The following LRP4 variants were observed in gnomAD, a reference collection of about 807,000 sequenced individuals.
The protein encoded by LRP4 is low-density lipoprotein receptor-related protein 4.
A neutral mutation model predicts 220.3 loss-of-function variants in LRP4; 95 were observed. That is an observed-to-expected ratio of 0.43 (90% confidence interval 0.37 to 0.51). The LOEUF (loss-of-function observed/expected upper bound fraction) is 0.51, where lower values mean the gene tolerates loss of function less well. LRP4 is among the 20% of genes least tolerant of loss of function. The probability of loss-of-function intolerance (pLI) is 0.00; values close to 1 mark genes in which losing one functional copy is unlikely to be tolerated. For synonymous variants in LRP4, 903 were observed against 954.6 expected (o/e 0.95, Z 1.00); for missense variants, 1,925 against 2,567.0 (o/e 0.75, Z 5.40).
At chr11:46,913,905 GAA>G (rs1941908436) in intron 1 of LRP4, among the ~76,000 whole-genome samples, 2 of 152,114 alleles carry the variant, frequency 1.3e-5, no homozygotes, top group African/African-American at 2.4e-5. Flanking sequence ...TTCAAGGGGA[GAA>G]AGAAGGGGCA....
intron 1 of LRP4, among the ~76,000 whole-genome samples, chr11:46,907,172 A>G (rs1941775392): frequency 6.6e-6 from 1 of 152,196 alleles, no homozygotes; most frequent in Non-Finnish European, 1.5e-5. Flanking sequence ...GAATTAGAAC[A>G]CTTCACTATG....
Position 46,881,745 on chromosome 11 carries a change from A to G in LRP4, c.2771T>C (p.Met924Thr), listed in dbSNP as rs1941165808. 1 of 1,613,506 alleles carries G rather than the reference A, an allele frequency of 6.2e-7. No homozygotes were observed. The highest frequency in any genetic ancestry group is 8.5e-7 in the Non-Finnish European group (1 of 1,180,006). Residue 924 changes from methionine to threonine, a missense_variant, in exon 20 of 38, where the codon ATG (methionine) becomes ACG (threonine). Physicochemically the swap from Met to Thr is moderately conservative, Grantham distance 81 (BLOSUM62 -1). Coordinates refer to ENST00000378623, the MANE Select transcript of LRP4 (RefSeq NM_002334.4). Reference sequence around the variant, plus strand: ...CAGTCCAGCAAATTCAATTGTCTTCATGCCGGCGTCAGCCCAGTATAGACG... The same window carrying G: ...CAGTCCAGCAAATTCAATTGTCTTCGTGCCGGCGTCAGCCCAGTATAGACG... Reference protein sequence around the residue: ...SQRLYWADAGMKTIEFAGLDG... With the variant: ...SQRLYWADAGTKTIEFAGLDG...
intron 37 of LRP4, among the ~76,000 whole-genome samples, chr11:46,860,757 C>A (rs1940523952): frequency 6.6e-6 from 1 of 152,158 alleles, no homozygotes; most frequent in Non-Finnish European, 1.5e-5. Context: ...CACAAGCAAA[C>A]ACACAGATGT....
In LRP4 at chr11:46,896,412, G is replaced by A. The variant is rs1941532556; in HGVS notation, c.923-77C>T. Reference sequence around the variant, plus strand: ...GAGATGGGAGCCTGTCATTTTCTAGGGTAAGCTGGAGACAGATGAGACTCA... The same window carrying A: ...GAGATGGGAGCCTGTCATTTTCTAGAGTAAGCTGGAGACAGATGAGACTCA... On this transcript the variant is annotated intron_variant, in intron 8 of 37. Transcript: ENST00000378623. The A allele has an allele frequency of 1.9e-6, 3 of 1,579,738 alleles. No homozygotes were observed. In the East Asian group the frequency reaches 6.7e-5, roughly 35 times the overall value.
At chr11:46,864,403 T>G in intron 36 of LRP4, 45 bp downstream of exon 36, 1 of 1,360,790 alleles carries the variant, frequency 7.3e-7, no homozygotes, top group Non-Finnish European at 1.1e-6. Flanking sequence ...GACATGCTCA[T>G]GAAGACCAAT....
In LRP4 at chr11:46,864,554, C is replaced by G; in HGVS notation, c.5156-19G>C. ...CCTTCCCCTAGGAAGAATAGAGAAA[C>G]ACTAGGCAGGGGCCACCGACAACTT... On this transcript the variant is annotated intron_variant, in intron 35 of 37. Coordinates refer to ENST00000378623, the MANE Select transcript of LRP4 (RefSeq NM_002334.4). 3.2e-6 allele frequency: 5 copies of G among 1,550,352 alleles called. No homozygotes were observed. The highest frequency in any genetic ancestry group is 4.5e-6 in the Non-Finnish European group (5 of 1,122,314).
Position 46,868,093 on chromosome 11 carries a change from G to A in LRP4, c.4973C>T (p.Ala1658Val), listed in dbSNP as rs984442169. 2.5e-6 allele frequency: 4 copies of A among 1,614,164 alleles called. No individual in the cohort carries two copies. Among genetic ancestry groups the A allele is most frequent in the Non-Finnish European group, 3.4e-6 (4 of 1,180,038 alleles). The change falls in exon 34 of 38, where the codon GCT becomes GTT. Residue 1658 changes from alanine to valine, a missense_variant. Ala to Val is a moderately conservative substitution (Grantham distance 64, BLOSUM62 0). This residue lies in a region of LRP4 where 1,244 missense variants were observed against 1,624.9 expected (regional missense o/e 0.77). Transcript: ENST00000378623. ...CSLVPGLVPP[A>V]PRATGMSEKS... ...TTCACTCATGCCAGTAGCCCTAGGA[G>A]CTGGTGGTACCAGGCCAGGCACTAG...
intron 37 of LRP4, among the ~76,000 whole-genome samples, chr11:46,862,253 G>C (rs1940577146): frequency 6.6e-6 from 1 of 152,130 alleles, no homozygotes; most frequent in South Asian, 2.1e-4. Flanking sequence ...TTGTCTGGGA[G>C]AGCTCCCTTG....
intron 33 of LRP4, 139 bp downstream of exon 33, chr11:46,868,461 C>T (rs1179509721): frequency 1.4e-6 from 1 of 739,912 alleles, no homozygotes; most frequent in Non-Finnish European, 2.4e-6. Context: ...AAGCAGACTG[C>T]TACCAATCAC....
intron 1 of LRP4, among the ~76,000 whole-genome samples, chr11:46,909,301 A>G (rs910159790): frequency 8.6e-5 from 13 of 151,798 alleles, no homozygotes; most frequent in African/African-American, 2.9e-4. Context: ...AGCTATTAGG[A>G]TTACAATGAG....
Position 46,873,578 on chromosome 11 carries a change from G to C in LRP4, c.4245C>G (p.Asn1415Lys). Reference sequence around the variant, plus strand: ...CGATCACTGTCTCCATGTTGCTGCCGTTCAGGTCTGCTCGCCTTGGGGAGA... The same window carrying C: ...CGATCACTGTCTCCATGTTGCTGCCCTTCAGGTCTGCTCGCCTTGGGGAGA... Reference protein sequence around the residue: ...FLDVIRRADLNGSNMETVIGR... With the variant: ...FLDVIRRADLKGSNMETVIGR... Residue 1415 changes from asparagine (N) to lysine (K), a missense_variant, in exon 29 of 38, where the codon AAC becomes AAG. Asn to Lys is a moderately conservative substitution (Grantham distance 94). Transcript: ENST00000378623. This position sits in a 1 kb window ranked among gnomAD's most constrained non-coding sequence, Gnocchi z 4.2. The C allele has an allele frequency of 6.2e-7, 1 of 1,613,158 alleles. No individual in the cohort carries two copies. Among genetic ancestry groups the C allele is most frequent in the South Asian group, 1.1e-5 (1 of 91,056 alleles).
At chr11:46,908,262 C>T (rs1941794265) in intron 1 of LRP4, among the ~76,000 whole-genome samples, 1 of 152,176 alleles carries the variant, frequency 6.6e-6, no homozygotes, top group African/African-American at 2.4e-5. Context: ...CAGGTGCCCT[C>T]CGAGTACTTT....
chr11:46,861,495 T>C (rs976889499), intron 37 of LRP4, among the ~76,000 whole-genome samples: 11 of 151,186 alleles, frequency 7.3e-5, no homozygotes, highest in Admixed American at 1.3e-4. Flanking sequence ...AAATACCAGG[T>C]ATAGTTAGTT....
At chr11:46,859,374 G>T in intron 37 of LRP4, 59 bp from the exon 38 acceptor site, 1 of 1,301,850 alleles carries the variant, frequency 7.7e-7, no homozygotes, top group Non-Finnish European at 1.1e-6. Context: ...AGGATCCCAT[G>T]GTAAACTGAA....
chr11:46,885,772 C>CAAAAAAAA (rs34867767), intron 18 of LRP4, among the ~76,000 whole-genome samples: 1 of 57,210 alleles, frequency 1.7e-5, no homozygotes, highest in African/African-American at 5.7e-5. Flanking sequence ...GACTCCGCCT[C>CAAAAAAAA]AAAAAAAAAA....
chr11:46,896,781 C>A, intron 8 of LRP4, 88 bp downstream of exon 8: 2 of 1,597,964 alleles, frequency 1.3e-6, no homozygotes, highest in Non-Finnish European at 1.7e-6. Flanking sequence ...AACCTCAACC[C>A]AACTGGAAAG....
intron 2 of LRP4, among the ~76,000 whole-genome samples, chr11:46,901,700 C>A (rs1362799542): frequency 6.6e-6 from 1 of 151,990 alleles, no homozygotes; most frequent in African/African-American, 2.4e-5. Context: ...GCAGATGTTA[C>A]CATGCTAGGG....
chr11:46,875,647 C>T lies in LRP4; in HGVS notation c.3734G>A (p.Arg1245Gln), dbSNP rs147619901. 11 of 1,613,994 alleles carry T rather than the reference C, an allele frequency of 6.8e-6. No homozygotes were observed. The highest frequency in any genetic ancestry group is 1.7e-5 in the Admixed American group (1 of 59,996). ...IEAADLNGAN[R>Q]HTLVSPVQHP... ...CTGCACCGGTGACACCAATGTATGC[C>T]GATTGGCACCATTCAGGTCAGCAGC... Residue 1245 changes from arginine to glutamine, a missense_variant, in exon 27 of 38, where the codon CGG becomes CAG. Physicochemically the swap from Arg to Gln is conservative, Grantham distance 43. Coordinates refer to ENST00000378623, the MANE Select transcript of LRP4 (RefSeq NM_002334.4). The surrounding 1 kb of genome is among the most constrained non-coding windows in gnomAD (Gnocchi z 4.5).
intron 28 of LRP4, chr11:46,874,135 G>GCAAA (rs762496942): frequency 2.4e-5 from 4 of 166,980 alleles, no homozygotes; most frequent in Non-Finnish European, 3.9e-5. Context: ...AAGGCCCTAT[G>GCAAA]GGCAGGAGGG....
Sources: gnomAD v4.1 joint callset for allele counts (sites outside exome capture counted in the v4.1 genomes callset) on GRCh38, gnomAD v4.1.1 for gene constraint, gnomAD v4.1.1 regional missense constraint, Gnocchi (gnomAD v3.1) non-coding constraint, MANE v1.5 for transcripts, NCBI Gene and HGNC (gene_info 2026-07-23, HGNC 2026-07-21) for gene names.